ACSM5: variants seen among roughly 807,000 people sequenced by gnomAD.
The protein encoded by ACSM5 is acyl-coenzyme A synthetase ACSM5, mitochondrial.
A neutral mutation model predicts 71.6 loss-of-function variants in ACSM5; 56 were observed. That is an observed-to-expected ratio of 0.78 (90% confidence interval 0.63 to 0.98). The LOEUF (loss-of-function observed/expected upper bound fraction) is 0.98. Ranked by LOEUF, ACSM5 falls within the 50% of genes least tolerant of loss-of-function variation. The pLI is 0.00. For synonymous variants in ACSM5, 285 were observed against 281.5 expected, an observed-to-expected ratio of 1.01 and a Z score of -0.12; for missense variants, 723 against 726.0, an observed-to-expected ratio of 1.00 and a Z score of 0.05.
intron 2 of ACSM5, among the ~76,000 whole-genome samples, chr16:20,415,408 A>G (rs1338608174): frequency 7.2e-5 from 11 of 152,202 alleles, no homozygotes; most frequent in Non-Finnish European, 4.4e-5. Flanking sequence ...AGAAACCAGC[A>G]ATAGAGATGG....
chr16:20,434,190 A>T (rs1472304896), intron 10 of ACSM5, among the ~76,000 whole-genome samples: 2 of 152,080 alleles, frequency 1.3e-5, no homozygotes, highest in Non-Finnish European at 1.5e-5. Context: ...ATCATTTTCA[A>T]CTTTAGGGTA....
At chr16:20,427,498 G>T in intron 6 of ACSM5, among the ~76,000 whole-genome samples, 1 of 152,312 alleles carries the variant, frequency 6.6e-6, no homozygotes, top group Non-Finnish European at 1.5e-5. Context: ...GAATATCCAA[G>T]ACAGAAGCCA....
At chr16:20,410,356 C>T (rs1477480199) in intron 1 of ACSM5, among the ~76,000 whole-genome samples, 2 of 152,156 alleles carry the variant, frequency 1.3e-5, no homozygotes, top group South Asian at 2.1e-4. Flanking sequence ...CTGAAGATCC[C>T]GTTAACTTGC....
chr16:20,412,104 G>C, intron 2 of ACSM5: 2 of 186,394 alleles, frequency 1.1e-5, no homozygotes, highest in East Asian at 1.4e-4. Context: ...CCAGCACTTT[G>C]GGACACCGAG....
intron 5 of ACSM5, among the ~76,000 whole-genome samples, chr16:20,423,458 C>G (rs1279084237): frequency 2.0e-5 from 3 of 152,206 alleles, no homozygotes; most frequent in African/African-American, 7.2e-5. Flanking sequence ...CATCATTGCT[C>G]TGGGTTAGGT....
rs8062534 is a variant in ACSM5, at chr16:20,410,590, C to T, written c.-15-880C>T. ...ACAAAAAAACTTTTTAAAAGTTAGCCACACATGGTGGCTAGTGCCTGTAGT... is the reference window on the plus strand; with the variant it reads ...ACAAAAAAACTTTTTAAAAGTTAGCTACACATGGTGGCTAGTGCCTGTAGT... On this transcript the variant is annotated intron_variant, in intron 1 of 13. Transcript: ENST00000331849. Among the ~76,000 whole-genome samples the T allele has an allele frequency of 6.2e-3, 938 of 152,192 alleles. 11 individuals are homozygous for T. Among genetic ancestry groups the T allele is most frequent in the African/African-American group, 0.021 (884 of 41,520 alleles).
intron 7 of ACSM5, among the ~76,000 whole-genome samples, chr16:20,428,724 T>G (rs1967037095): frequency 6.6e-6 from 1 of 152,194 alleles, no homozygotes; most frequent in Non-Finnish European, 1.5e-5. Flanking sequence ...CACATGATGA[T>G]TTTGGCTGAA....
At position 20,441,149 on chromosome 16, in the gene ACSM5, C is replaced by T. The variant is rs886443787; in HGVS notation, c.*722C>T. On this transcript the variant is annotated 3_prime_UTR_variant, in exon 14 of 14. Coordinates refer to ENST00000331849, the MANE Select transcript of ACSM5 (RefSeq NM_017888.3). ...AGCAAAAATATTCATACTGGAGAAT[C>T]CCAACTCTGAAAAATAAAGGGAAAA... 7 of 152,062 alleles carry T rather than the reference C, an allele frequency of 4.6e-5. No individual in the cohort carries two copies. The highest frequency in any genetic ancestry group is 1.0e-4 in the Non-Finnish European group (7 of 68,016). The allele number at this position is 152,062 out of a possible 1,614,324, so 9.4% of individuals were successfully genotyped here.
intron 3 of ACSM5, 82 bp downstream of exon 3, chr16:20,418,351 T>C (rs1016884213): frequency 2.9e-6 from 4 of 1,367,686 alleles, no homozygotes; most frequent in Admixed American, 5.0e-5. Flanking sequence ...GTCTTGAAGA[T>C]GGAGCAAAAA....
chr16:20,430,200 T>TACAC (rs199835504), intron 8 of ACSM5, among the ~76,000 whole-genome samples: 2,970 of 144,812 alleles, frequency 0.021, 41 homozygotes, highest in Non-Finnish European at 0.025. Flanking sequence ...GCTATTGAAA[T>TACAC]ACACACACAC....
intron 6 of ACSM5, among the ~76,000 whole-genome samples, chr16:20,427,306 C>A (rs1290945922): frequency 2.0e-5 from 3 of 151,930 alleles, no homozygotes; most frequent in African/African-American, 4.8e-5. Flanking sequence ...TCTCAAAAAA[C>A]CAAACAAAAA....
intron 1 of ACSM5, among the ~76,000 whole-genome samples, chr16:20,411,269 G>T (rs932568457): frequency 6.6e-6 from 1 of 152,202 alleles, no homozygotes; most frequent in Non-Finnish European, 1.5e-5. Flanking sequence ...TCAGTGAGAG[G>T]TCAAAAGGAC....
intron 7 of ACSM5, among the ~76,000 whole-genome samples, chr16:20,429,308 T>C (rs969157185): frequency 9.9e-5 from 15 of 152,104 alleles, no homozygotes; most frequent in Non-Finnish European, 1.9e-4. Flanking sequence ...CCATGGTGCC[T>C]GGCCTATCTT....
In ACSM5 at chr16:20,423,991, T is replaced by G. The variant is rs1458023814; in HGVS notation, c.843T>G (p.Thr281=). Residue 281 remains threonine, a synonymous_variant, in exon 6 of 14, where the codon ACT becomes ACG. Transcript: ENST00000331849. ...TDTGWVKAAW[T]LFSAWPNGSC... ...CTGGCTGGGTGAAGGCAGCCTGGAC[T>G]CTCTTCTCTGCCTGGCCTAATGGAT... is the stretch of plus-strand genomic sequence containing the variant. The G allele has an allele frequency of 6.2e-7, 1 of 1,614,202 alleles. No homozygotes were observed. The highest frequency in any genetic ancestry group is 1.1e-5 in the South Asian group (1 of 91,086).
At chr16:20,439,063 T>C (rs1967264141) in intron 12 of ACSM5, among the ~76,000 whole-genome samples, 2 of 147,766 alleles carry the variant, frequency 1.4e-5, no homozygotes, top group Non-Finnish European at 3.0e-5. Flanking sequence ...CATGAAATGA[T>C]AGTGGCCTTC....
chr16:20,439,732 C>A (rs71374812), intron 12 of ACSM5, 68 bp from the exon 13 acceptor site: 2 of 1,312,082 alleles, frequency 1.5e-6, no homozygotes, highest in East Asian at 2.6e-5. Context: ...CTTATTCAAG[C>A]CTCACTTAAG....
chr16:20,437,101 C>T lies in ACSM5; in HGVS notation c.1358C>T (p.Thr453Ile). The T allele has an allele frequency of 1.9e-6, 3 of 1,614,226 alleles. No individual in the cohort carries two copies. The highest frequency in any genetic ancestry group is 2.5e-6 in the Non-Finnish European group (3 of 1,180,046). Residue 453 changes from threonine (T) to isoleucine (I), a missense_variant, in exon 11 of 14, where the codon ACA becomes ATA. Physicochemically the swap from Thr to Ile is moderately conservative, Grantham distance 89. Coordinates refer to ENST00000331849, the MANE Select transcript of ACSM5 (RefSeq NM_017888.3). Reference protein sequence around the residue: ...AASEQGDFYITGDRARMDKDG... With the variant: ...AASEQGDFYIIGDRARMDKDG... ...TCAGAACAAGGGGACTTTTACATCA[C>T]AGGGGACCGAGCTCGCATGGACAAG... is the stretch of plus-strand genomic sequence containing the variant.
intron 10 of ACSM5, among the ~76,000 whole-genome samples, chr16:20,436,022 T>A (rs1212435914): frequency 6.7e-5 from 7 of 104,924 alleles, no homozygotes. Context: ...TTTTCTTCAT[T>A]CTTTCTTTCT....
At position 20,417,083 on chromosome 16, in the gene ACSM5, C is replaced by T. The variant is rs528339480; in HGVS notation, c.205-976C>T. ...GGAGATGATGCAGAGAATTAGAACC[C>T]TCAGACATGGCTGGATGGAAATGTA... On this transcript the variant is annotated intron_variant, in intron 2 of 13. Transcript: ENST00000331849. Among the ~76,000 whole-genome samples, 103 of 151,536 alleles carry T rather than the reference C, an allele frequency of 6.8e-4. 1 individual carries two copies. Among genetic ancestry groups the T allele is most frequent in the African/African-American group, 2.4e-3 (99 of 41,332 alleles).
Sources: allele counts gnomAD v4.1 joint callset (sites outside exome capture counted in the v4.1 genomes callset), GRCh38; gene constraint gnomAD v4.1.1; transcripts MANE v1.5; gene names NCBI Gene and HGNC (gene_info 2026-07-23, HGNC 2026-07-21).